Variants in SYCP1 observed in about 807,000 individuals in gnomAD.
SYCP1 encodes the protein cancer/testis antigen 8.
A neutral mutation model predicts 153.1 loss-of-function variants in SYCP1; 64 were observed. The observed-to-expected ratio is 0.42, with a 90% CI of 0.34 to 0.51. The LOEUF (loss-of-function observed/expected upper bound fraction) is 0.51, where lower values mean the gene tolerates loss of function less well. Ranked by LOEUF, SYCP1 falls within the 20% of genes least tolerant of loss-of-function variation. The pLI is 0.06. For missense variants in SYCP1, 997 were observed against 1,049.0 expected (o/e 0.95, Z 0.68); for synonymous variants, 384 against 341.8 (o/e 1.12, Z -1.36).
intron 27 of SYCP1, among the ~76,000 whole-genome samples, chr1:114,969,643 G>A (rs1672352271): frequency 6.6e-6 from 1 of 152,164 alleles, no homozygotes; most frequent in African/African-American, 2.4e-5. Context: ...CCCTTTTCCA[G>A]GGGAGCGAAC....
intron 8 of SYCP1, among the ~76,000 whole-genome samples, chr1:114,872,678 C>T (rs1665231728): frequency 6.6e-6 from 1 of 152,128 alleles, no homozygotes; most frequent in Non-Finnish European, 1.5e-5. Context: ...GTAGTTGTCT[C>T]ACAGTTCTTG....
At chr1:114,878,954 T>A (rs1242669118) in intron 12 of SYCP1, among the ~76,000 whole-genome samples, 1 of 152,184 alleles carries the variant, frequency 6.6e-6, no homozygotes, top group Non-Finnish European at 1.5e-5. Flanking sequence ...TTGAACTGTT[T>A]AAAAGTTTAC....
intron 27 of SYCP1, among the ~76,000 whole-genome samples, chr1:114,954,446 A>T (rs1671304890): frequency 6.6e-6 from 1 of 151,732 alleles, no homozygotes; most frequent in Non-Finnish European, 1.5e-5. Context: ...CTGTGCAGAC[A>T]TTTGTCATCT....
intron 30 of SYCP1, among the ~76,000 whole-genome samples, chr1:114,989,144 G>A (rs1313908044): frequency 6.6e-6 from 1 of 151,876 alleles, no homozygotes; most frequent in African/African-American, 2.4e-5. Context: ...TCCAGCCTGG[G>A]TGACAGAATT....
chr1:114,953,116 C>T (rs1671213011), intron 27 of SYCP1, among the ~76,000 whole-genome samples: 2 of 152,200 alleles, frequency 1.3e-5, no homozygotes. Flanking sequence ...CCCATAAGGG[C>T]AGAGCCCTCA....
At chr1:114,882,861 C>A (rs1666050392) in intron 12 of SYCP1, among the ~76,000 whole-genome samples, 1 of 152,116 alleles carries the variant, frequency 6.6e-6, no homozygotes, top group Admixed American at 6.6e-5. Flanking sequence ...TGCAAATCTG[C>A]CTGTGAGTTG....
Position 114,994,944 on chromosome 1 carries a change from G to C in SYCP1, c.2856G>C (p.Arg952=), listed in dbSNP as rs773545382. Residue 952 remains arginine (R), a synonymous_variant, in exon 32 of 32, where the codon CGG becomes CGC. Transcript: ENST00000369522. ...AGTTTGGAGCTATAAGAAAAATGCG[G>C]GAGGACCGTTGGGCTGTAATTGCTA... ...TLKFGAIRKM[R]EDRWAVIAKM... 5 of 1,609,230 alleles carry C rather than the reference G, an allele frequency of 3.1e-6. No homozygotes were observed. Among genetic ancestry groups the C allele is most frequent in the Non-Finnish European group, 4.2e-6 (5 of 1,177,292 alleles).
At chr1:114,895,913 T>G (rs1482409254) in intron 16 of SYCP1, among the ~76,000 whole-genome samples, 1 of 152,140 alleles carries the variant, frequency 6.6e-6, no homozygotes, top group Non-Finnish European at 1.5e-5. Context: ...TAAAATTTCA[T>G]TGTATTTTAA....
intron 21 of SYCP1, among the ~76,000 whole-genome samples, chr1:114,924,034 T>C (rs866232404): frequency 1.6e-4 from 25 of 152,320 alleles, no homozygotes; most frequent in Admixed American, 4.6e-4. Flanking sequence ...GATTGTGTTT[T>C]TTCATTCATT....
chr1:114,977,297 A>G (rs1277539140), intron 27 of SYCP1, among the ~76,000 whole-genome samples: 1 of 151,804 alleles, frequency 6.6e-6, no homozygotes, highest in Non-Finnish European at 1.5e-5. Flanking sequence ...GAAAGCTGAG[A>G]TTCAGAGTTT....
intron 30 of SYCP1, among the ~76,000 whole-genome samples, chr1:114,991,454 C>T (rs1403642562): frequency 6.6e-6 from 1 of 151,728 alleles, no homozygotes; most frequent in Admixed American, 6.6e-5. Context: ...AAATTATTTG[C>T]CATGGCCAAG....
chr1:114,984,893 A>G, intron 30 of SYCP1, 25 bp downstream of exon 30: 1 of 1,166,906 alleles, frequency 8.6e-7, no homozygotes. Flanking sequence ...AATAATATTT[A>G]GTATTTATTT....
At chr1:114,938,128 C>A (rs1557816356) in intron 23 of SYCP1, among the ~76,000 whole-genome samples, 1 of 152,032 alleles carries the variant, frequency 6.6e-6, no homozygotes, top group African/African-American at 2.4e-5. Context: ...TTCACAATAG[C>A]AAAGACTTGG....
chr1:114,867,351 A>T (rs1316130298), intron 8 of SYCP1, among the ~76,000 whole-genome samples: 5 of 152,136 alleles, frequency 3.3e-5, no homozygotes, highest in African/African-American at 1.2e-4. Context: ...GGAAGGATTG[A>T]CATCTTGACA....
At chr1:114,994,383 A>T (rs1291337114) in intron 30 of SYCP1, among the ~76,000 whole-genome samples, 2 of 151,498 alleles carry the variant, frequency 1.3e-5, no homozygotes, top group African/African-American at 2.4e-5. Flanking sequence ...AAACTGAAAT[A>T]GAAATCAGTA....
rs1187095645 is a variant in SYCP1 at position 114,858,778 on chromosome 1, G to A, written c.456+67G>A. On this transcript the variant is annotated intron_variant, in intron 6 of 31. Coordinates refer to ENST00000369522, the MANE Select transcript of SYCP1 (RefSeq NM_003176.4). ...TAATCATAATACTGTTGAAAGTAGA[G>A]TATTAGTTGGGATAAATTGGATTGA... 9 of 1,319,972 alleles carry A rather than the reference G, an allele frequency of 6.8e-6. No homozygotes were observed. The East Asian group carries it at 1.9e-4, about 27-fold the overall frequency. 81.8% of individuals were successfully genotyped at this position (1,319,972 alleles called of 1,614,324 possible). A position where few individuals can be genotyped will look rare whatever the true frequency, so the allele number is the denominator to read the frequency against.
intron 27 of SYCP1, 91 bp downstream of exon 27, chr1:114,947,411 A>G: frequency 1.2e-6 from 1 of 836,190 alleles, no homozygotes; most frequent in Non-Finnish European, 1.9e-6. Context: ...AAATAATTTG[A>G]TAAATTTTAA....
intron 30 of SYCP1, among the ~76,000 whole-genome samples, chr1:114,986,326 G>A (rs571987670): frequency 1.3e-5 from 2 of 152,108 alleles, no homozygotes; most frequent in African/African-American, 4.8e-5. Flanking sequence ...ATGTAGTCCA[G>A]ATATATAAAA....
chr1:114,984,391 T>G (rs1673363907), intron 29 of SYCP1, among the ~76,000 whole-genome samples: 1 of 152,046 alleles, frequency 6.6e-6, no homozygotes, highest in Non-Finnish European at 1.5e-5. Context: ...CGATCATGAT[T>G]AGAAATATTA....
Sources: allele counts gnomAD v4.1 joint callset (sites outside exome capture counted in the v4.1 genomes callset), GRCh38; gene constraint gnomAD v4.1.1; transcripts MANE v1.5; gene names NCBI Gene and HGNC (gene_info 2026-07-23, HGNC 2026-07-21).